Variants in NLRP5 observed in about 807,000 individuals in gnomAD.
NLRP5 encodes NACHT, LRR and PYD domains-containing protein 5.
A neutral mutation model predicts 113.1 loss-of-function variants in NLRP5; 93 were observed. The ratio of observed to expected loss-of-function variants is 0.82; its 90% CI spans 0.70 to 0.98. NLRP5 has a LOEUF of 0.98. Ranked by LOEUF, NLRP5 falls within the 50% of genes least tolerant of loss-of-function variation. The pLI, the probability that NLRP5 is intolerant of heterozygous loss-of-function variation, is 0.00. For synonymous variants in NLRP5, 751 were observed against 600.7 expected, an observed-to-expected ratio of 1.25 and a Z score of -3.66; for missense variants, 1,808 against 1,514.3, an observed-to-expected ratio of 1.19 and a Z score of -3.22.
At chr19:55,996,415 A>G (rs537110122), upstream of NLRP5, among the ~76,000 whole-genome samples, 2 of 152,236 alleles carry the variant, frequency 1.3e-5, no homozygotes, top group African/African-American at 4.8e-5. Context: ...GGTTTGTTAC[A>G]TATGTATACA....
chr19:55,998,651 T>G (rs1433150220), upstream of NLRP5, among the ~76,000 whole-genome samples: 2 of 139,124 alleles, frequency 1.4e-5, no homozygotes, highest in African/African-American at 5.6e-5. Context: ...AGCCTTCGTC[T>G]CAAAATATGT....
At chr19:56,036,552 A>G (rs1983325043) in intron 9 of NLRP5, among the ~76,000 whole-genome samples, 2 of 152,262 alleles carry the variant, frequency 1.3e-5, no homozygotes, top group South Asian at 2.1e-4. Flanking sequence ...TCCTGCTCTC[A>G]TGGTGCTCAC....
In NLRP5 at chr19:56,006,969, G is replaced by A. The variant is rs180897757; in HGVS notation, c.443-1819G>A. 3.1e-3 allele frequency among the ~76,000 whole-genome samples: 469 copies of A among 151,174 alleles called. 18 individuals are homozygous for A. The highest frequency in any genetic ancestry group is 0.011 in the African/African-American group (437 of 40,862). ...TTAGCCAGGATGGTCTCGATCTCCCGACCTTGTGATCCACCCACCTTGGCC... is the reference window on the plus strand; with the variant it reads ...TTAGCCAGGATGGTCTCGATCTCCCAACCTTGTGATCCACCCACCTTGGCC... On this transcript the variant is annotated intron_variant, in intron 2 of 14. Coordinates refer to ENST00000390649, the MANE Select transcript of NLRP5 (RefSeq NM_153447.4).
rs12462795 is a variant in NLRP5, at chr19:56,058,263, C to T, written c.3323C>T (p.Ser1108Phe). 3.1e-6 allele frequency: 5 copies of T among 1,613,634 alleles called. No individual in the cohort carries two copies. The South Asian group carries it at 5.5e-5, about 18-fold the overall frequency. ...AGGTTGAAGGCATGTGGACTGACTTCTGATTGCTGTGAGGCACTCTCCTTG... is the reference window on the plus strand; with the variant it reads ...AGGTTGAAGGCATGTGGACTGACTTTTGATTGCTGTGAGGCACTCTCCTTG... Residue 1108 changes from serine (S) to phenylalanine (F), a missense_variant, in exon 14 of 15, where the codon TCT becomes TTT. Physicochemically the swap from Ser to Phe is radical, Grantham distance 155. Coordinates refer to ENST00000390649, the MANE Select transcript of NLRP5 (RefSeq NM_153447.4).
intron 5 of NLRP5, among the ~76,000 whole-genome samples, chr19:56,019,721 T>G (rs1388906717): frequency 6.6e-6 from 1 of 152,180 alleles, no homozygotes; most frequent in Non-Finnish European, 1.5e-5. Context: ...GTCTTCAAAC[T>G]TAAGTGGCAG....
intron 13 of NLRP5, among the ~76,000 whole-genome samples, chr19:56,054,992 CTTTTTTTTTTT>C (rs869165472): frequency 3.2e-5 from 2 of 62,374 alleles, no homozygotes; most frequent in Non-Finnish European, 5.6e-5. Context: ...CACCCCTCCC[CTTTTTTTTTTT>C]TTTTTTTTTT....
At chr19:56,011,234 C>G (rs987181114) in intron 3 of NLRP5, among the ~76,000 whole-genome samples, 8 of 151,806 alleles carry the variant, frequency 5.3e-5, no homozygotes, top group Admixed American at 2.0e-4. Context: ...GTGAAGGAAA[C>G]CATCACAAAA....
chr19:56,033,526 C>G lies in NLRP5; in HGVS notation c.2448-16C>G. The G allele has an allele frequency of 6.2e-7, 1 of 1,600,670 alleles. No homozygotes were observed. Among genetic ancestry groups the G allele is most frequent in the Non-Finnish European group, 8.5e-7 (1 of 1,171,238 alleles). On this transcript the variant is annotated splice_polypyrimidine_tract_variant and intron_variant, in intron 8 of 14. Coordinates refer to ENST00000390649, the MANE Select transcript of NLRP5 (RefSeq NM_153447.4). The stretch of plus-strand genomic sequence containing the variant: ...ACATCACCAGTGTCGAATGTGTCTC[C>G]CCTTCCCCATTGCAGGTTTAGAAAT...
intron 13 of NLRP5, among the ~76,000 whole-genome samples, chr19:56,055,614 C>T (rs1411189930): frequency 5.9e-5 from 8 of 135,524 alleles, no homozygotes; most frequent in Non-Finnish European, 9.2e-5. Context: ...GGCGCGATCT[C>T]AGCTCACTGC....
At chr19:55,998,708 GTGTGTGTA>G (rs761986484), upstream of NLRP5, among the ~76,000 whole-genome samples, 16 of 59,286 alleles carry the variant, frequency 2.7e-4, 1 homozygote, top group East Asian at 6.4e-4. Flanking sequence ...ATATATGTGT[GTGTGTGTA>G]TATATATATA....
intron 2 of NLRP5, among the ~76,000 whole-genome samples, chr19:56,007,002 G>T (rs1981946510): frequency 6.6e-6 from 1 of 150,864 alleles, no homozygotes. Context: ...GCCTCCCAAA[G>T]TTCTGGGATT....
chr19:56,004,716 A>G (rs781762030), intron 2 of NLRP5, among the ~76,000 whole-genome samples: 8 of 152,110 alleles, frequency 5.3e-5, no homozygotes, highest in Non-Finnish European at 1.2e-4. Flanking sequence ...TTTAGAAAAT[A>G]GCAGTTCTTT....
intron 11 of NLRP5, among the ~76,000 whole-genome samples, 184 bp from the exon 12 acceptor site, chr19:56,050,234 C>A (rs1200152311): frequency 6.7e-6 from 1 of 148,908 alleles, no homozygotes; most frequent in African/African-American, 2.5e-5. Flanking sequence ...GAACTGAGAG[C>A]TTGCCACTGC....
At chr19:55,987,004 C>T in the NLRP5 span, among the ~76,000 whole-genome samples, 1 of 152,324 alleles carries the variant, frequency 6.6e-6, no homozygotes, top group South Asian at 2.1e-4. Context: ...AAAAGATCTT[C>T]CTCTAAAACC....
At chr19:56,049,336 C>A (rs10419239) in intron 11 of NLRP5, among the ~76,000 whole-genome samples, 1 of 151,744 alleles carries the variant, frequency 6.6e-6, no homozygotes, top group Non-Finnish European at 1.5e-5. Flanking sequence ...TGCACCACCA[C>A]GCCCAACTAA....
chr19:56,052,234 G>GGGTTT (rs1983956025), intron 12 of NLRP5, among the ~76,000 whole-genome samples: 1 of 150,458 alleles, frequency 6.6e-6, no homozygotes, highest in Admixed American at 6.7e-5. Context: ...GGTTTTGGTG[G>GGGTTT]GGTTTTGTTT....
intron 13 of NLRP5, among the ~76,000 whole-genome samples, chr19:56,054,511 C>G (rs74713718): frequency 0.08 from 11,918 of 149,902 alleles, 546 homozygotes; most frequent in East Asian, 0.2. Context: ...TGAGCCGAGA[C>G]CACACCACTG....
At chr19:56,049,353 G>A (rs1599909032) in intron 11 of NLRP5, among the ~76,000 whole-genome samples, 1 of 151,948 alleles carries the variant, frequency 6.6e-6, no homozygotes. Flanking sequence ...CTAATTTTTT[G>A]TATTTTTAGT....
chr19:56,060,167 G>T (rs1386680864), intron 14 of NLRP5, among the ~76,000 whole-genome samples: 1 of 152,256 alleles, frequency 6.6e-6, no homozygotes, highest in East Asian at 1.9e-4. Context: ...GACAAGATCA[G>T]TGGTGACTAT....
Sources: gnomAD v4.1 joint callset for allele counts (sites outside exome capture counted in the v4.1 genomes callset) on GRCh38, gnomAD v4.1.1 for gene constraint, MANE v1.5 for transcripts, NCBI Gene and HGNC (gene_info 2026-07-23, HGNC 2026-07-21) for gene names.